The following GRIP1 variants were observed in gnomAD, a reference collection of about 807,000 sequenced individuals.
The protein encoded by GRIP1 is glutamate receptor interacting protein 1, also known as glutamate receptor-interacting protein 1.
GRIP1 carries 45 observed loss-of-function variants against 129.9 expected under a neutral mutation model. The ratio of observed to expected loss-of-function variants is 0.35; its 90% CI spans 0.27 to 0.44. The LOEUF is 0.44. Among genes scored for constraint, GRIP1 ranks in the 20% least tolerant of loss-of-function variants. The probability of loss-of-function intolerance (pLI) is 1.00; values close to 1 mark genes in which losing one functional copy is unlikely to be tolerated. For missense variants in GRIP1, 1,196 were observed against 1,396.8 expected, an observed-to-expected ratio of 0.86 and a Z score of 2.29; for synonymous variants, 530 against 520.8, an observed-to-expected ratio of 1.02 and a Z score of -0.24.
At chr12:66,704,457 A>C (rs1412846580) in intron 1 of GRIP1, among the ~76,000 whole-genome samples, 2 of 152,092 alleles carry the variant, frequency 1.3e-5, no homozygotes, top group Non-Finnish European at 2.9e-5. Context: ...AATGGAAAAA[A>C]TGGACAAAAG....
intron 19 of GRIP1, among the ~76,000 whole-genome samples, chr12:66,382,453 CA>C (rs1263163938): frequency 6.6e-6 from 1 of 152,156 alleles, no homozygotes; most frequent in East Asian, 1.9e-4. Context: ...ACAGCCTGGC[CA>C]ATTAACCTCA....
In GRIP1 at chr12:66,377,046, G is replaced by T. The variant is rs749173900; in HGVS notation, c.2749C>A (p.Arg917Ser). 2.4e-5 allele frequency: 39 copies of T among 1,612,160 alleles called. No homozygotes were observed. In the East Asian group the frequency reaches 8.5e-4, roughly 35 times the overall value. ...LRELEEKADR[R>S]VSLRNMTLLA... ...AGAGTCATGTTTCTCAAAGACACAC[G>T]CCTGTCAGCTTTCTCCTGTGGAAAG... Residue 917 changes from arginine (R) to serine (S), a missense_variant, in exon 22 of 25, where the codon CGT becomes AGT. Transcript: ENST00000359742.
rs1326500183 is a variant in GRIP1 at position 66,973,837 on chromosome 12, A to G, written c.58+95213T>C. ...AATGTAATCCAGGCATTAAAATTAT[A>G]TAAGAAGACCCTTCAGCATATTGAA... On this transcript the variant is annotated intron_variant, in intron 1 of 1. Transcript: ENST00000643019. Among the ~76,000 whole-genome samples the G allele has an allele frequency of 2.0e-5, 3 of 151,984 alleles. No individual in the cohort carries two copies. In the East Asian group the frequency reaches 5.8e-4, roughly 29 times the overall value.
chr12:66,539,836 T>C (rs1269022001), intron 3 of GRIP1, among the ~76,000 whole-genome samples: 1 of 152,156 alleles, frequency 6.6e-6, no homozygotes, highest in Non-Finnish European at 1.5e-5. Flanking sequence ...AACATTCTTA[T>C]CTCTCTATAC....
intron 2 of GRIP1, among the ~76,000 whole-genome samples, chr12:66,582,086 C>T (rs1466560006): frequency 6.6e-6 from 1 of 152,118 alleles, no homozygotes; most frequent in Non-Finnish European, 1.5e-5. Flanking sequence ...CCCTGGGATG[C>T]AAGGCTGATT....
intron 1 of GRIP1, among the ~76,000 whole-genome samples, chr12:67,049,607 T>C (rs1180814600): frequency 6.6e-6 from 1 of 151,988 alleles, no homozygotes; most frequent in Non-Finnish European, 1.5e-5. Flanking sequence ...AAATGCCTTA[T>C]GCAAATGGGG....
At chr12:66,523,692 T>C (rs1364783390) in intron 5 of GRIP1, among the ~76,000 whole-genome samples, 2 of 151,844 alleles carry the variant, frequency 1.3e-5, no homozygotes, top group African/African-American at 2.4e-5. Flanking sequence ...TAACTTTAAA[T>C]GTAAATGGGC....
At chr12:66,917,051 G>A (rs927037285) in intron 1 of GRIP1, among the ~76,000 whole-genome samples, 7 of 151,984 alleles carry the variant, frequency 4.6e-5, no homozygotes, top group African/African-American at 1.4e-4. Flanking sequence ...TCTATTTTCT[G>A]GTGATCTCCA....
chr12:66,929,843 C>A (rs2041358963), intron 1 of GRIP1, among the ~76,000 whole-genome samples: 1 of 152,154 alleles, frequency 6.6e-6, no homozygotes, highest in South Asian at 2.1e-4. Context: ...GCTCATCTGC[C>A]TTCCTTATCT....
At chr12:66,422,063 C>T (rs999088566) in intron 14 of GRIP1, among the ~76,000 whole-genome samples, 5 of 152,066 alleles carry the variant, frequency 3.3e-5, no homozygotes, top group Non-Finnish European at 7.3e-5. Context: ...ATTAACAGGC[C>T]CCTAAAGTAA....
chr12:66,569,321 AC>A (rs2062874676), intron 2 of GRIP1: 1 of 159,420 alleles, frequency 6.3e-6, no homozygotes, highest in Non-Finnish European at 1.4e-5. Flanking sequence ...TGCTAAAAAT[AC>A]AAAAATTAGC....
chr12:66,849,559 T>C (rs577136825), intron 1 of GRIP1, among the ~76,000 whole-genome samples: 1 of 152,184 alleles, frequency 6.6e-6, no homozygotes, highest in Admixed American at 6.5e-5. Context: ...AGACTTGCAG[T>C]GAGCTGTGTT....
chr12:66,579,520 A>G (rs1051976063), intron 2 of GRIP1, among the ~76,000 whole-genome samples: 33 of 152,194 alleles, frequency 2.2e-4, no homozygotes, highest in Non-Finnish European at 1.3e-4. Context: ...AAAAACTTAG[A>G]TGAATGTATA....
At chr12:66,356,071 C>T (rs1302202141) in intron 23 of GRIP1, among the ~76,000 whole-genome samples, 13 of 152,172 alleles carry the variant, frequency 8.5e-5, no homozygotes, top group Admixed American at 8.5e-4. Flanking sequence ...AGGGAGGGCA[C>T]TTCTGGTACC....
chr12:66,509,253 C>A (rs542055453), intron 7 of GRIP1, among the ~76,000 whole-genome samples: 2 of 152,230 alleles, frequency 1.3e-5, no homozygotes, highest in African/African-American at 4.8e-5. Context: ...AGAAGTGGAG[C>A]ATTAAGAGCC....
upstream of GRIP1, among the ~76,000 whole-genome samples, chr12:66,804,829 T>C (rs145801559): frequency 8.5e-5 from 13 of 152,318 alleles, no homozygotes; most frequent in African/African-American, 3.1e-4. Flanking sequence ...TTGCATATCA[T>C]ATTAATAAGC....
intron 1 of GRIP1, among the ~76,000 whole-genome samples, chr12:66,879,175 T>C (rs1375831207): frequency 1.3e-5 from 2 of 151,956 alleles, no homozygotes; most frequent in Non-Finnish European, 2.9e-5. Context: ...GCTTTTACTA[T>C]CTTGTTATTT....
intron 1 of GRIP1, among the ~76,000 whole-genome samples, chr12:66,893,950 C>T (rs1038914195): frequency 1.3e-5 from 2 of 152,152 alleles, no homozygotes; most frequent in East Asian, 3.9e-4. Flanking sequence ...AGCTTCATCT[C>T]TATTCCTCTT....
intron 10 of GRIP1, among the ~76,000 whole-genome samples, 168 bp downstream of exon 10, chr12:66,456,019 A>C (rs1470492649): frequency 6.6e-6 from 1 of 152,182 alleles, no homozygotes; most frequent in African/African-American, 2.4e-5. Flanking sequence ...CCTAACAACA[A>C]ATGCTTTCTG....
Sources: allele counts gnomAD v4.1 joint callset (sites outside exome capture counted in the v4.1 genomes callset), GRCh38; gene constraint gnomAD v4.1.1; transcripts MANE v1.5; gene names NCBI Gene and HGNC (gene_info 2026-07-23, HGNC 2026-07-21).